TFDP2: variants seen among roughly 807,000 people sequenced by gnomAD.
TFDP2 encodes the protein transcription factor Dp-2 (E2F dimerization partner 2).
In TFDP2, 17 loss-of-function variants were observed where a neutral mutation model predicts 59.3. That is an observed-to-expected ratio of 0.29 (90% CI 0.20 to 0.43). TFDP2 has a LOEUF of 0.43. TFDP2 is among the 20% of genes least tolerant of loss of function. The probability of loss-of-function intolerance (pLI) is 1.00; values close to 1 mark genes in which losing one functional copy is unlikely to be tolerated. For synonymous variants in TFDP2, 180 were observed against 194.7 expected, an observed-to-expected ratio of 0.92 and a Z score of 0.63; for missense variants, 391 against 528.8, an observed-to-expected ratio of 0.74 and a Z score of 2.56.
intron 1 of TFDP2, among the ~76,000 whole-genome samples, chr3:142,120,262 T>C (rs1359032086): frequency 1.3e-5 from 2 of 151,318 alleles, no homozygotes; most frequent in Non-Finnish European, 2.9e-5. Flanking sequence ...CTCCAGAGGC[T>C]GAGGCAGAAG....
chr3:141,989,799 T>C (rs1942544263), intron 6 of TFDP2, among the ~76,000 whole-genome samples: 1 of 152,128 alleles, frequency 6.6e-6, no homozygotes, highest in Non-Finnish European at 1.5e-5. Flanking sequence ...CTTTTCATTA[T>C]AATAACACTA....
rs774096066 is a variant in TFDP2 at position 141,959,783 on chromosome 3, T to C, written c.942A>G (p.Val314=). 1.9e-6 allele frequency: 3 copies of C among 1,614,190 alleles called. No homozygotes were observed. Among genetic ancestry groups the C allele is most frequent in the Middle Eastern group, 1.6e-4 (1 of 6,062 alleles). ...NTFEIHDDIE[V]LKRMGMSFGL... ...CAAACGACATTCCCATCCGCTTTAG[T>C]ACTTCTATGTCATCATGGATCTCAA... Residue 314 remains valine, a synonymous_variant, in exon 11 of 13, where the codon GTA becomes GTG. Coordinates refer to ENST00000489671, the MANE Select transcript of TFDP2 (RefSeq NM_001178139.2).
At chr3:142,140,099 G>A (rs1176446878) in intron 1 of TFDP2, among the ~76,000 whole-genome samples, 9 of 151,956 alleles carry the variant, frequency 5.9e-5, no homozygotes, top group East Asian at 1.9e-4. Flanking sequence ...TTGTCTTCTC[G>A]CTTTATTTCA....
chr3:142,136,602 G>C (rs1189760343), intron 1 of TFDP2, among the ~76,000 whole-genome samples: 1 of 152,010 alleles, frequency 6.6e-6, no homozygotes, highest in African/African-American at 2.4e-5. Context: ...TTTATATAAG[G>C]TGTAAGGAAG....
At chr3:142,084,158 TG>T (rs1447793910) in intron 3 of TFDP2, among the ~76,000 whole-genome samples, 2 of 152,066 alleles carry the variant, frequency 1.3e-5, no homozygotes, top group African/African-American at 2.4e-5. Flanking sequence ...AATTAAAAAA[TG>T]GGCAAAAGAT....
intron 3 of TFDP2, among the ~76,000 whole-genome samples, chr3:142,021,946 T>C (rs1048038211): frequency 6.6e-6 from 1 of 152,250 alleles, no homozygotes; most frequent in African/African-American, 2.4e-5. Flanking sequence ...GGCTTCTTTA[T>C]CTTTAGTTAA....
At chr3:142,142,410 T>C (rs959966732) in intron 1 of TFDP2, among the ~76,000 whole-genome samples, 6 of 152,200 alleles carry the variant, frequency 3.9e-5, no homozygotes, top group Non-Finnish European at 4.4e-5. Flanking sequence ...GAAAGATCTC[T>C]GTAATGAAAA....
At chr3:142,020,917 C>T (rs1333520123) in intron 3 of TFDP2, among the ~76,000 whole-genome samples, 1 of 151,604 alleles carries the variant, frequency 6.6e-6, no homozygotes, top group East Asian at 1.9e-4. Context: ...CCCAGGAAGT[C>T]GAAGCTGCAG....
chr3:142,024,042 T>G (rs2108371755), intron 3 of TFDP2, among the ~76,000 whole-genome samples: 1 of 152,226 alleles, frequency 6.6e-6, no homozygotes, highest in African/African-American at 2.4e-5. Flanking sequence ...TAAAGTGATC[T>G]GCCTACCTCT....
chr3:142,091,025 C>T (rs1220465025), intron 3 of TFDP2, among the ~76,000 whole-genome samples: 3 of 152,128 alleles, frequency 2.0e-5, no homozygotes, highest in African/African-American at 4.8e-5. Context: ...CTGATTACTA[C>T]GTTTTATTAG....
chr3:142,149,429 G>A lies in TFDP2; in HGVS notation c.-339C>T. 3 of 382,098 alleles carry A rather than the reference G, an allele frequency of 7.9e-6. No individual in the cohort carries two copies. The highest frequency in any genetic ancestry group is 1.4e-5 in the Non-Finnish European group (3 of 215,780). The allele number at this position is 382,098 out of a possible 1,614,324, so 23.7% of individuals were successfully genotyped here. On this transcript the variant is annotated 5_prime_UTR_variant, in exon 1 of 13. Transcript: ENST00000489671. Reference sequence around the variant, plus strand: ...GGGTCAGGGCGCGCCCCGCGGGCCGGGCAGCTGCGGCAGCGCCGCAGCCGA... The same window carrying A: ...GGGTCAGGGCGCGCCCCGCGGGCCGAGCAGCTGCGGCAGCGCCGCAGCCGA...
chr3:141,979,815 C>T (rs1194721820), intron 6 of TFDP2, among the ~76,000 whole-genome samples: 1 of 152,116 alleles, frequency 6.6e-6, no homozygotes, highest in Admixed American at 6.5e-5. Flanking sequence ...TCCAGAACTC[C>T]TGACCTCAGG....
chr3:142,089,932 T>C (rs1025204596), intron 3 of TFDP2, among the ~76,000 whole-genome samples: 6 of 152,178 alleles, frequency 3.9e-5, no homozygotes, highest in Non-Finnish European at 7.4e-5. Context: ...GAATTTTTTT[T>C]CTATTTTTCA....
intron 3 of TFDP2, among the ~76,000 whole-genome samples, chr3:142,080,124 T>C (rs764253559): frequency 6.6e-6 from 1 of 152,080 alleles, no homozygotes; most frequent in Non-Finnish European, 1.5e-5. Context: ...CTACCATGCC[T>C]GGCTAATTCT....
chr3:142,076,233 AG>A (rs2060453654), intron 3 of TFDP2, among the ~76,000 whole-genome samples: 1 of 151,918 alleles, frequency 6.6e-6, no homozygotes, highest in African/African-American at 2.4e-5. Flanking sequence ...AAAAGAAAAA[AG>A]AAAAAAGTTT....
At chr3:142,035,026 A>G (rs757330630) in intron 3 of TFDP2, among the ~76,000 whole-genome samples, 64 of 152,108 alleles carry the variant, frequency 4.2e-4, no homozygotes, top group Non-Finnish European at 7.4e-4. Context: ...TTTTATAAAG[A>G]CTATTCCTTC....
In TFDP2 at chr3:141,968,979, TA is replaced by T. The variant is rs1409779231; in HGVS notation, c.732+1093del. ...ATAACACATATATATCTCATATATA[TA>T]GATATATATAACATATATCTCATAT... On this transcript the variant is annotated intron_variant, in intron 9 of 12. Coordinates refer to ENST00000489671, the MANE Select transcript of TFDP2 (RefSeq NM_001178139.2). Among the ~76,000 whole-genome samples the T allele has an allele frequency of 1.9e-4, 19 of 101,274 alleles. 1 individual carries two copies. The highest frequency in any genetic ancestry group is 2.9e-4 in the South Asian group (1 of 3,412). 66.4% of individuals were successfully genotyped at this position (101,274 alleles called of 152,430 possible).
intron 1 of TFDP2, among the ~76,000 whole-genome samples, chr3:142,118,976 A>G (rs1430032367): frequency 6.6e-6 from 1 of 152,196 alleles, no homozygotes; most frequent in African/African-American, 2.4e-5. Flanking sequence ...GCTGACCAAC[A>G]TGGTGAAACC....
chr3:142,149,404 G>A lies in TFDP2; in HGVS notation c.-314C>T, dbSNP rs2063304649. On this transcript the variant is annotated 5_prime_UTR_variant, in exon 1 of 13. Coordinates refer to ENST00000489671, the MANE Select transcript of TFDP2 (RefSeq NM_001178139.2). ...GCCCTCGAGCCTGCCCAAAGATGAA[G>A]GGTCAGGGCGCGCCCCGCGGGCCGG... 1 of 385,924 alleles carries A rather than the reference G, an allele frequency of 2.6e-6. No individual in the cohort carries two copies. Among genetic ancestry groups the A allele is most frequent in the Non-Finnish European group, 4.6e-6 (1 of 218,416 alleles). 23.9% of individuals were successfully genotyped at this position (385,924 alleles called of 1,614,324 possible). A position where few individuals can be genotyped will look rare whatever the true frequency, so the allele number is the denominator to read the frequency against.
Sources: gnomAD v4.1 joint callset for allele counts (sites outside exome capture counted in the v4.1 genomes callset) on GRCh38, gnomAD v4.1.1 for gene constraint, MANE v1.5 for transcripts, NCBI Gene and HGNC (gene_info 2026-07-23, HGNC 2026-07-21) for gene names.